HOOK2: variants seen among roughly 807,000 people sequenced by gnomAD.
HOOK2 encodes hook microtubule tethering protein 2.
Under a neutral mutation model 111.9 loss-of-function variants are expected in HOOK2, and 108 were observed. That is an observed-to-expected ratio of 0.96 (90% CI 0.83 to 1.13). The LOEUF is 1.13. Ranked by LOEUF, HOOK2 falls within the 50% of genes most tolerant of loss-of-function variation. The probability of loss-of-function intolerance (pLI) is 0.00; values close to 1 mark genes in which losing one functional copy is unlikely to be tolerated. For synonymous variants in HOOK2, 405 were observed against 394.3 expected, an observed-to-expected ratio of 1.03 and a Z score of -0.32; for missense variants, 978 against 951.3, an observed-to-expected ratio of 1.03 and a Z score of -0.37.
upstream of HOOK2, among the ~76,000 whole-genome samples, chr19:12,777,250 G>A (rs1478479252): frequency 6.6e-6 from 1 of 152,052 alleles, no homozygotes; most frequent in Non-Finnish European, 1.5e-5. Flanking sequence ...GAGGAGGGAG[G>A]ACTGCTTGAA....
At chr19:12,780,749 T>C (rs1968592947), upstream of HOOK2, among the ~76,000 whole-genome samples, 1 of 105,976 alleles carries the variant, frequency 9.4e-6, no homozygotes, top group African/African-American at 3.6e-5. Context: ...AAGGCCGAGG[T>C]GGGCGGATCA....
At position 12,767,880 on chromosome 19, in the gene HOOK2, G is replaced by A; in HGVS notation, c.1239C>T (p.Ser413=). The change falls in exon 13 of 23, where the codon TCC becomes TCT. Residue 413 remains serine, a synonymous_variant. Coordinates refer to ENST00000397668, the MANE Select transcript of HOOK2 (RefSeq NM_013312.3). ...EKERLLAERD[S]LREANEELRC... Reference sequence around the variant, plus strand: ...GCAGCTCCTCATTGGCCTCCCGCAAGGAGTCCCGCTCCGCCAACAGCCGCT... The same window carrying A: ...GCAGCTCCTCATTGGCCTCCCGCAAAGAGTCCCGCTCCGCCAACAGCCGCT... 3.7e-6 allele frequency: 6 copies of A among 1,609,500 alleles called. 1 individual carries two copies. Among genetic ancestry groups the A allele is most frequent in the African/African-American group, 2.7e-5 (2 of 75,052 alleles).
Position 12,763,198 on chromosome 19 carries a change from T to A in HOOK2, c.*84A>T. 2 of 1,242,504 alleles carry A rather than the reference T, an allele frequency of 1.6e-6. No homozygotes were observed. Among genetic ancestry groups the A allele is most frequent in the Non-Finnish European group, 2.1e-6 (2 of 937,138 alleles). The allele number at this position is 1,242,504 out of a possible 1,614,324, so 77.0% of individuals were successfully genotyped here. A position where few individuals can be genotyped will look rare whatever the true frequency, so the allele number is the denominator to read the frequency against. ...CATGGCCTCAAAGCTCTCGAGCACCTGGCTGAAGCCCAGTGCTGGGCGCCA... is the reference window on the plus strand; with the variant it reads ...CATGGCCTCAAAGCTCTCGAGCACCAGGCTGAAGCCCAGTGCTGGGCGCCA... On this transcript the variant is annotated 3_prime_UTR_variant, in exon 23 of 23. Transcript: ENST00000397668.
chr19:12,778,881 G>C (rs1319180457), upstream of HOOK2, among the ~76,000 whole-genome samples: 1 of 152,156 alleles, frequency 6.6e-6, no homozygotes, highest in African/African-American at 2.4e-5. Flanking sequence ...CCCACATTTG[G>C]GGAAAAGCAG....
rs1968213494 is a variant in HOOK2, at chr19:12,768,143, G to A, written c.1105-20C>T. 5 of 1,603,378 alleles carry A rather than the reference G, an allele frequency of 3.1e-6. No homozygotes were observed. The highest frequency in any genetic ancestry group is 1.7e-5 in the Admixed American group (1 of 59,936). ...CTGCACCTGAACACAGAGAGGGGAG[G>A]AATAAGGACAGCAGGGCTGGGAGCA... On this transcript the variant is annotated intron_variant, in intron 11 of 22. Coordinates refer to ENST00000397668, the MANE Select transcript of HOOK2 (RefSeq NM_013312.3).
Position 12,764,814 on chromosome 19 carries a change from C to T in HOOK2, c.1827G>A (p.Met609Ile). ...RYRRYVDKARMVMQTMEPKQR... is the reference protein window; with the variant it reads ...RYRRYVDKARIVMQTMEPKQR... ...TTGTGGGAACACCCAGCGTCCTCAC[C>T]ATGCGGGCCTTGTCCACGTAGCGGC... Residue 609 changes from methionine to isoleucine, a missense_variant and splice_region_variant, in exon 20 of 23, where the codon ATG (methionine) becomes ATA (isoleucine). Physicochemically the swap from Met to Ile is conservative, Grantham distance 10. Transcript: ENST00000397668. The T allele has an allele frequency of 6.2e-7, 1 of 1,612,400 alleles. No individual in the cohort carries two copies. Among genetic ancestry groups the T allele is most frequent in the South Asian group, 1.1e-5 (1 of 91,036 alleles).
chr19:12,783,102 TC>T (rs1434885516), upstream of HOOK2, among the ~76,000 whole-genome samples: 1 of 151,878 alleles, frequency 6.6e-6, no homozygotes, highest in Non-Finnish European at 1.5e-5. Flanking sequence ...CTGGCCTCGC[TC>T]CCGCTTCTCC....
chr19:12,775,479 G>A lies in HOOK2; in HGVS notation c.-30C>T. 1 of 1,599,480 alleles carries A rather than the reference G, an allele frequency of 6.3e-7. No individual in the cohort carries two copies. Among genetic ancestry groups the A allele is most frequent in the Non-Finnish European group, 8.5e-7 (1 of 1,174,686 alleles). On this transcript the variant is annotated 5_prime_UTR_variant, in exon 1 of 23. Transcript: ENST00000397668. ...CCCGATCGGATTCAATCCAGGCCAC[G>A]GAGCCCCGGCGCCGCAGCAGCCTCC...
At chr19:12,781,321 AAAAT>A (rs1437363825), upstream of HOOK2, among the ~76,000 whole-genome samples, 1 of 151,282 alleles carries the variant, frequency 6.6e-6, no homozygotes, top group African/African-American at 2.4e-5. Flanking sequence ...AAATATAAAA[AAAAT>A]AAATAACGAA....
chr19:12,778,060 C>T (rs1968559576), upstream of HOOK2, among the ~76,000 whole-genome samples: 1 of 152,182 alleles, frequency 6.6e-6, no homozygotes, highest in African/African-American at 2.4e-5. Context: ...GCCCTGTGAC[C>T]CCAGGGTCCC....
rs1409177111 is a variant in HOOK2 at position 12,791,795 on chromosome 19, C to G, written n.42-17570G>C. 8 of 1,612,318 alleles carry G rather than the reference C, an allele frequency of 5.0e-6. No homozygotes were observed. Among genetic ancestry groups the G allele is most frequent in the Non-Finnish European group, 6.8e-6 (8 of 1,178,886 alleles). On this transcript the variant is annotated intron_variant and non_coding_transcript_variant, in intron 3 of 3. Transcript: ENST00000589765. The surrounding 1 kb of genome is among the most constrained non-coding windows in gnomAD (Gnocchi z 7.0). ...GGATGTGCACTAAAATGGAACAGCC[C>G]TTCTACCACGACGACTCATACACAG...
Position 12,771,527 on chromosome 19 carries a change from G to C in HOOK2, c.520-50C>G, listed in dbSNP as rs781165148. On this transcript the variant is annotated intron_variant, in intron 7 of 22. Transcript: ENST00000397668. ...ACTCAGGGATTCAGGAGAAGGACGG[G>C]GGGAGGGAGGCTGAGATCTCTAGAG... 6.6e-6 allele frequency: 10 copies of C among 1,508,126 alleles called. No individual in the cohort carries two copies. The East Asian group carries it at 2.3e-4, about 35-fold the overall frequency. The allele number at this position is 1,508,126 out of a possible 1,614,324, so 93.4% of individuals were successfully genotyped here.
rs200476300 is a variant in HOOK2, at chr19:12,763,379, T to G, written c.2063A>C (p.Gln688Pro). The G allele has an allele frequency of 3.4e-4, 555 of 1,614,144 alleles. 1 individual carries two copies. The highest frequency in any genetic ancestry group is 4.5e-4 in the Non-Finnish European group (527 of 1,180,016). The change falls in exon 23 of 23, where the codon CAG becomes CCG. Residue 688 changes from glutamine to proline, a missense_variant. Gln to Pro is a moderately conservative substitution (Grantham distance 76, BLOSUM62 -1). Transcript: ENST00000397668. ...AGEERAPAHAQSFLAQQRLAT... is the reference protein window; with the variant it reads ...AGEERAPAHAPSFLAQQRLAT... ...CAGCCGCTGCTGTGCCAGGAATGAC[T>G]GGGCATGGGCAGGCGCCCGCTCCTC...
chr19:12,778,686 G>C (rs901684769), upstream of HOOK2, among the ~76,000 whole-genome samples: 9 of 152,076 alleles, frequency 5.9e-5, no homozygotes, highest in African/African-American at 1.9e-4. Flanking sequence ...CAGGGATTTT[G>C]ATGTTTAGGG....
rs1968701212 is a variant in HOOK2 at position 12,790,455 on chromosome 19, C to A, written n.42-16230G>T. Among the ~76,000 whole-genome samples the A allele has an allele frequency of 2.0e-5, 3 of 152,194 alleles. No homozygotes were observed. Among genetic ancestry groups the A allele is most frequent in the Non-Finnish European group, 4.4e-5 (3 of 68,028 alleles). Reference sequence around the variant, plus strand: ...GAGCCGACACGGTGTTGGGCAAAGCCCAGGGTCAATAGGGGAGGGTTTTAG... The same window carrying A: ...GAGCCGACACGGTGTTGGGCAAAGCACAGGGTCAATAGGGGAGGGTTTTAG... On this transcript the variant is annotated intron_variant and non_coding_transcript_variant, in intron 3 of 3. Transcript: ENST00000589765. This position sits in a 1 kb window ranked among gnomAD's most constrained non-coding sequence, Gnocchi z 7.2.
In HOOK2 at chr19:12,763,688, C is replaced by A; in HGVS notation, c.1918G>T (p.Val640Phe). 1.2e-6 allele frequency: 2 copies of A among 1,614,224 alleles called. No individual in the cohort carries two copies. The highest frequency in any genetic ancestry group is 8.5e-7 in the Non-Finnish European group (1 of 1,180,030). The change falls in exon 21 of 23, where the codon GTC (valine) becomes TTC (phenylalanine). Residue 640 changes from valine (V) to phenylalanine (F), a missense_variant. By Grantham distance (50) the Val-to-Phe change is conservative. Transcript: ENST00000397668. ...SLRTQLRERD[V>F]RIRHLEMDFE... Reference sequence around the variant, plus strand: ...CCCACCTCCAGGTGTCGGATGCGGACATCCCGTTCTCGGAGCTGTGTCCTC... The same window carrying A: ...CCCACCTCCAGGTGTCGGATGCGGAAATCCCGTTCTCGGAGCTGTGTCCTC...
At chr19:12,782,884 G>A (rs2145795661), upstream of HOOK2, among the ~76,000 whole-genome samples, 1 of 75,022 alleles carries the variant, frequency 1.3e-5, no homozygotes, top group African/African-American at 6.3e-5. Context: ...ATGGAGCTGA[G>A]ACCCCCCCCC....
rs761448727 is a variant in HOOK2 at position 12,773,036 on chromosome 19, A to T, written c.213T>A (p.Asn71Lys). Residue 71 changes from asparagine to lysine, a missense_variant, in exon 4 of 23, where the codon AAT becomes AAA. Around this residue, in one of 5 missense-constraint regions of HOOK2, gnomAD observed 301 missense variants for 286.1 expected, o/e 1.05. Transcript: ENST00000397668. ...PGPNWKLKVS[N>K]LKMVLRSLVE... The stretch of plus-strand genomic sequence containing the variant: ...CTAGGCTCCGTAAGACCATCTTCAG[A>T]TTGCTGACCTAGGGAGGAACAAGGA... The T allele has an allele frequency of 4.5e-5, 73 of 1,613,876 alleles. No individual in the cohort carries two copies. The highest frequency in any genetic ancestry group is 6.0e-5 in the Non-Finnish European group (71 of 1,180,008).
chr19:12,780,600 C>G (rs572924425), upstream of HOOK2, among the ~76,000 whole-genome samples: 1 of 147,012 alleles, frequency 6.8e-6, no homozygotes, highest in Non-Finnish European at 1.5e-5. Flanking sequence ...TCATGATCCG[C>G]CCACCTCGGC....
Sources: allele counts gnomAD v4.1 joint callset (sites outside exome capture counted in the v4.1 genomes callset), GRCh38; gene constraint gnomAD v4.1.1; regional missense constraint gnomAD v4.1.1; non-coding constraint Gnocchi (gnomAD v3.1); transcripts MANE v1.5; gene names NCBI Gene and HGNC (gene_info 2026-07-23, HGNC 2026-07-21).